SRRM4: variants seen among roughly 807,000 people sequenced by gnomAD.
The protein encoded by SRRM4 is serine/arginine repetitive matrix 4.
In SRRM4, 33 loss-of-function variants were observed where a neutral mutation model predicts 68.9. The observed-to-expected ratio is 0.48, with a 90% CI of 0.36 to 0.64. The LOEUF is 0.64. Ranked by LOEUF, SRRM4 falls within the 30% of genes least tolerant of loss-of-function variation. The pLI is 0.00. For synonymous variants in SRRM4, 318 were observed against 318.8 expected (o/e 1.00, Z 0.03); for missense variants, 817 against 827.1 (o/e 0.99, Z 0.15).
At chr12:119,029,735 T>C (rs1250871718) in intron 1 of SRRM4, among the ~76,000 whole-genome samples, 3 of 152,310 alleles carry the variant, frequency 2.0e-5, no homozygotes, top group South Asian at 2.1e-4. Context: ...TGATAAAACA[T>C]GTTTTGATGG....
intron 1 of SRRM4, among the ~76,000 whole-genome samples, chr12:119,067,578 C>A (rs1830090): frequency 1.3e-5 from 2 of 151,790 alleles, no homozygotes; most frequent in African/African-American, 4.8e-5. Context: ...TACAGTGGCG[C>A]GTGCCTGTAA....
chr12:119,080,779 C>G (rs1525956), intron 1 of SRRM4, among the ~76,000 whole-genome samples: 87,043 of 152,104 alleles, frequency 0.57, 25,908 homozygotes, highest in Middle Eastern at 0.76. Context: ...AGCCACACAG[C>G]AACAAAGGCT....
intron 8 of SRRM4, among the ~76,000 whole-genome samples, chr12:119,142,498 A>G (rs1459282235): frequency 6.6e-6 from 1 of 152,206 alleles, no homozygotes. Context: ...CCTCACATTC[A>G]AGAAATCCTT....
chr12:119,064,491 T>A (rs1454346168), intron 1 of SRRM4, among the ~76,000 whole-genome samples: 1 of 152,270 alleles, frequency 6.6e-6, no homozygotes, highest in Non-Finnish European at 1.5e-5. Flanking sequence ...GGTTTCCTGT[T>A]TATTAAAAGA....
chr12:119,124,428 T>C (rs926233487), intron 6 of SRRM4: 1 of 152,166 alleles, frequency 6.6e-6, no homozygotes. Flanking sequence ...AGGGATATGG[T>C]CTGATGATTA....
chr12:119,109,630 TG>T (rs1954130107), intron 2 of SRRM4, among the ~76,000 whole-genome samples: 1 of 152,254 alleles, frequency 6.6e-6, no homozygotes, highest in Admixed American at 6.5e-5. Context: ...AGCTTGTGCA[TG>T]TATCATGTAG....
At chr12:119,060,223 A>G (rs1459935465) in intron 1 of SRRM4, among the ~76,000 whole-genome samples, 2 of 151,894 alleles carry the variant, frequency 1.3e-5, no homozygotes, top group Non-Finnish European at 2.9e-5. Flanking sequence ...AAATACCTGC[A>G]TATTAATATA....
intron 1 of SRRM4, chr12:119,069,526 T>C (rs3921268): frequency 0.87 from 132,159 of 152,140 alleles, 57,718 homozygotes; most frequent in Middle Eastern, 0.95. Context: ...ATTTTAGAAC[T>C]TGGGAACAAA....
intron 12 of SRRM4, among the ~76,000 whole-genome samples, 190 bp from the exon 13 acceptor site, chr12:119,156,305 A>T (rs943806750): frequency 6.6e-6 from 1 of 152,350 alleles, no homozygotes; most frequent in East Asian, 1.9e-4. Flanking sequence ...TTTTCAAGAC[A>T]TACTAGCACT....
intron 1 of SRRM4, among the ~76,000 whole-genome samples, chr12:118,984,013 T>C (rs555876271): frequency 7.3e-5 from 11 of 151,664 alleles, no homozygotes; most frequent in African/African-American, 2.7e-4. Context: ...CCTGGATTTA[T>C]GTCACGCTAG....
At position 119,161,939 on chromosome 12, in the gene SRRM4, GCTATGC is replaced by G. The variant is rs1954516753; in HGVS notation, c.*5144_*5149del. 1 of 151,010 alleles carries G rather than the reference GCTATGC, an allele frequency of 6.6e-6. No individual in the cohort carries two copies. The highest frequency in any genetic ancestry group is 2.4e-5 in the African/African-American group (1 of 40,976). The allele number at this position is 151,010 out of a possible 1,614,324, so 9.4% of individuals were successfully genotyped here. ...TCTTTTTTTTTTCTGGCCAAGGAAA[GCTATGC>G]CTCATCTTCTAACGAGCCAAGCCAA... On this transcript the variant is annotated 3_prime_UTR_variant, in exon 13 of 13. Coordinates refer to ENST00000267260, the MANE Select transcript of SRRM4 (RefSeq NM_194286.4).
chr12:119,130,290 AGATGGATG>A (rs892396592), intron 7 of SRRM4, among the ~76,000 whole-genome samples: 2 of 143,776 alleles, frequency 1.4e-5, no homozygotes, highest in Admixed American at 6.9e-5. Context: ...TTGCTTAGAC[AGATGGATG>A]GATGGATGGA....
intron 8 of SRRM4, among the ~76,000 whole-genome samples, chr12:119,141,213 G>C (rs1051209452): frequency 1.1e-4 from 16 of 152,176 alleles, no homozygotes; most frequent in African/African-American, 3.6e-4. Context: ...AGAGTGTTGG[G>C]ATTACAGGCG....
chr12:119,105,262 T>C (rs1227375014), intron 2 of SRRM4, among the ~76,000 whole-genome samples: 4 of 152,112 alleles, frequency 2.6e-5, no homozygotes, highest in African/African-American at 9.7e-5. Context: ...CTATTGTGAA[T>C]AGTGCCGCAA....
intron 1 of SRRM4, among the ~76,000 whole-genome samples, chr12:118,982,669 G>GGT (rs1953255529): frequency 1.7e-5 from 2 of 115,716 alleles, no homozygotes; most frequent in Admixed American, 9.2e-5. Context: ...GTTTTATTTT[G>GGT]TTTTTTTTTG....
In SRRM4 at chr12:119,122,244, AAGGAAGGCAGGAAGGC is replaced by A. The variant is rs546863868; in HGVS notation, c.515+164_515+179del. ...AAGGGAGGAGAAGGTGAGCGGGTGA[AAGGAAGGCAGGAAGGC>A]AGGAAGGCAGGAAGGCAGGAAGGCA... On this transcript the variant is annotated intron_variant, in intron 6 of 12. Transcript: ENST00000267260. 130 of 375,364 alleles carry A rather than the reference AAGGAAGGCAGGAAGGC, an allele frequency of 3.5e-4. 1 individual carries two copies. The highest frequency in any genetic ancestry group is 8.1e-4 in the Admixed American group (19 of 23,396). The allele number at this position is 375,364 out of a possible 1,614,324, so 23.3% of individuals were successfully genotyped here. A position where few individuals can be genotyped will look rare whatever the true frequency, so the allele number is the denominator to read the frequency against.
intron 1 of SRRM4, among the ~76,000 whole-genome samples, chr12:119,054,560 A>G (rs1565898514): frequency 1.3e-5 from 2 of 152,192 alleles, no homozygotes; most frequent in African/African-American, 4.8e-5. Context: ...GACCTACAGC[A>G]AAGTTTTGTT....
chr12:119,064,799 C>T (rs1953835405), intron 1 of SRRM4, among the ~76,000 whole-genome samples: 1 of 152,106 alleles, frequency 6.6e-6, no homozygotes, highest in Non-Finnish European at 1.5e-5. Flanking sequence ...CACCAATTTA[C>T]CAGGCATAAA....
At chr12:119,075,513 TG>T in intron 1 of SRRM4, among the ~76,000 whole-genome samples, 1 of 149,048 alleles carries the variant, frequency 6.7e-6, no homozygotes, top group Non-Finnish European at 1.5e-5. Context: ...GTGATGATGA[TG>T]GTGGTAATGA....
Sources: gnomAD v4.1 joint callset for allele counts (sites outside exome capture counted in the v4.1 genomes callset) on GRCh38, gnomAD v4.1.1 for gene constraint, MANE v1.5 for transcripts, NCBI Gene and HGNC (gene_info 2026-07-23, HGNC 2026-07-21) for gene names.